Variants in ITGBL1 observed in about 807,000 individuals in gnomAD.
ITGBL1 encodes the protein integrin subunit beta like 1.
Under a neutral mutation model 68.5 loss-of-function variants are expected in ITGBL1, and 51 were observed. That is an observed-to-expected ratio of 0.74 (90% CI 0.59 to 0.94). ITGBL1 has a LOEUF of 0.94. Ranked by LOEUF, ITGBL1 falls within the 40% of genes least tolerant of loss-of-function variation. ITGBL1 has a pLI of 0.00. For missense variants in ITGBL1, 649 were observed against 647.4 expected (o/e 1.00, Z -0.03); for synonymous variants, 209 against 227.3 (o/e 0.92, Z 0.72).
chr13:101,659,051 T>C (rs1052036233), intron 7 of ITGBL1, among the ~76,000 whole-genome samples: 3 of 145,348 alleles, frequency 2.1e-5, no homozygotes, highest in Admixed American at 6.9e-5. Context: ...TTTTTTTTTT[T>C]TTTTTTTTTT....
intron 2 of ITGBL1, among the ~76,000 whole-genome samples, chr13:101,523,544 C>T (rs773297277): frequency 2.0e-5 from 3 of 152,152 alleles, no homozygotes; most frequent in Non-Finnish European, 4.4e-5. Context: ...TAATGCTAAT[C>T]CAGGACTGCT....
intron 2 of ITGBL1, among the ~76,000 whole-genome samples, chr13:101,501,664 T>C (rs1256218170): frequency 1.3e-5 from 2 of 152,136 alleles, no homozygotes; most frequent in Non-Finnish European, 2.9e-5. Flanking sequence ...CACTCCTACT[T>C]TTTGATAGAA....
chr13:101,633,457 A>G (rs1490437379), intron 7 of ITGBL1, among the ~76,000 whole-genome samples: 1 of 152,176 alleles, frequency 6.6e-6, no homozygotes, highest in Admixed American at 6.6e-5. Context: ...TGGCTTCATG[A>G]CTGTGCCCAG....
intron 2 of ITGBL1, among the ~76,000 whole-genome samples, chr13:101,556,283 G>C (rs1325134772): frequency 1.3e-5 from 2 of 152,208 alleles, no homozygotes; most frequent in Non-Finnish European, 2.9e-5. Flanking sequence ...AATTTATTAA[G>C]TTGAGATCAT....
At chr13:101,469,915 A>G (rs2048434224) in intron 2 of ITGBL1, among the ~76,000 whole-genome samples, 1 of 152,220 alleles carries the variant, frequency 6.6e-6, no homozygotes, top group Non-Finnish European at 1.5e-5. Context: ...AAGCTGTTTG[A>G]TCTTTCTCCG....
At chr13:101,556,659 GAC>G (rs755530029) in intron 2 of ITGBL1, among the ~76,000 whole-genome samples, 29 of 152,032 alleles carry the variant, frequency 1.9e-4, no homozygotes, top group Non-Finnish European at 3.7e-4. Flanking sequence ...GAAGAAAAGA[GAC>G]ACAGAGACAT....
intron 8 of ITGBL1, among the ~76,000 whole-genome samples, chr13:101,706,287 C>T (rs1163157154): frequency 6.6e-6 from 1 of 152,126 alleles, no homozygotes; most frequent in Non-Finnish European, 1.5e-5. Context: ...TACAGATAAA[C>T]TAATATAGTA....
chr13:101,529,651 T>C (rs1373664705), intron 2 of ITGBL1, among the ~76,000 whole-genome samples: 2 of 152,178 alleles, frequency 1.3e-5, no homozygotes, highest in Non-Finnish European at 2.9e-5. Flanking sequence ...TGGGAGGTGA[T>C]TGGATCACGG....
intron 7 of ITGBL1, among the ~76,000 whole-genome samples, chr13:101,665,254 A>G (rs981167402): frequency 2.0e-5 from 3 of 152,152 alleles, no homozygotes; most frequent in African/African-American, 7.2e-5. Context: ...AATTGACAGC[A>G]TTGATGTTCT....
chr13:101,591,531 A>T (rs550924676), intron 6 of ITGBL1, among the ~76,000 whole-genome samples: 2 of 152,148 alleles, frequency 1.3e-5, no homozygotes, highest in South Asian at 4.1e-4. Flanking sequence ...ACTTTGATTT[A>T]TGATTTTGTG....
At chr13:101,600,528 G>T (rs2030300319) in intron 7 of ITGBL1, among the ~76,000 whole-genome samples, 1 of 152,108 alleles carries the variant, frequency 6.6e-6, no homozygotes, top group Non-Finnish European at 1.5e-5. Context: ...TTTTCAAAGG[G>T]AATGCTTCCA....
chr13:101,708,049 A>G (rs915645619), intron 9 of ITGBL1, among the ~76,000 whole-genome samples: 3 of 150,964 alleles, frequency 2.0e-5, no homozygotes, highest in African/African-American at 7.3e-5. Context: ...ACACACACAC[A>G]CACACACACA....
intron 3 of ITGBL1, 84 bp from the exon 4 acceptor site, chr13:101,575,340 C>A: frequency 7.7e-7 from 1 of 1,296,692 alleles, no homozygotes; most frequent in Non-Finnish European, 1.1e-6. Context: ...ATTATCTACT[C>A]TCTTGAGAGA....
At chr13:101,456,121 C>T (rs7997791) in intron 2 of ITGBL1, among the ~76,000 whole-genome samples, 26,680 of 152,142 alleles carry the variant, frequency 0.18, 2,675 homozygotes, top group East Asian at 0.38. Flanking sequence ...CTTCTTGATA[C>T]GAAATGCAGG....
At chr13:101,487,939 A>T (rs945460494) in intron 2 of ITGBL1, among the ~76,000 whole-genome samples, 8 of 152,316 alleles carry the variant, frequency 5.3e-5, no homozygotes, top group South Asian at 2.1e-4. Flanking sequence ...TGAAACTGGC[A>T]CAGGGGGCCT....
chr13:101,675,497 G>A (rs1434006363), intron 7 of ITGBL1, among the ~76,000 whole-genome samples: 1 of 152,048 alleles, frequency 6.6e-6, no homozygotes, highest in East Asian at 1.9e-4. Flanking sequence ...CTTGTACATA[G>A]CCTTCCCTTT....
At chr13:101,677,888 T>C (rs1200391612) in intron 7 of ITGBL1, among the ~76,000 whole-genome samples, 1 of 152,180 alleles carries the variant, frequency 6.6e-6, no homozygotes, top group Non-Finnish European at 1.5e-5. Context: ...CACGGCTTCA[T>C]AGATAAAAAT....
intron 2 of ITGBL1, among the ~76,000 whole-genome samples, chr13:101,456,208 T>A (rs898081417): frequency 3.3e-5 from 5 of 152,212 alleles, no homozygotes; most frequent in Non-Finnish European, 7.3e-5. Flanking sequence ...ATTTTAATAC[T>A]GAATGGAATA....
chr13:101,510,315 C>A (rs1228873511), intron 2 of ITGBL1, among the ~76,000 whole-genome samples: 1 of 152,134 alleles, frequency 6.6e-6, no homozygotes, highest in Non-Finnish European at 1.5e-5. Context: ...CCAGTTTCAT[C>A]CATGTTGCTG....
Sources: allele counts gnomAD v4.1 joint callset (sites outside exome capture counted in the v4.1 genomes callset), GRCh38; gene constraint gnomAD v4.1.1; transcripts MANE v1.5; gene names NCBI Gene and HGNC (gene_info 2026-07-23, HGNC 2026-07-21).